The following SPOCK1 variants were observed in gnomAD, a reference collection of about 807,000 sequenced individuals.
SPOCK1 encodes the protein testican-1.
A neutral mutation model predicts 55.3 loss-of-function variants in SPOCK1; 23 were observed. The observed-to-expected ratio is 0.42, with a 90% CI of 0.30 to 0.59. SPOCK1 has a LOEUF of 0.59. SPOCK1 is among the 20% of genes least tolerant of loss of function. The pLI is 0.22. For missense variants in SPOCK1, 499 were observed against 552.5 expected, an observed-to-expected ratio of 0.90 and a Z score of 0.97; for synonymous variants, 226 against 221.0, an observed-to-expected ratio of 1.02 and a Z score of -0.20.
Position 137,282,365 on chromosome 5 carries a change from A to G in SPOCK1, c.187-15310T>C, listed in dbSNP as rs938678892. On this transcript the variant is annotated intron_variant, in intron 2 of 10. Coordinates refer to ENST00000394945, the MANE Select transcript of SPOCK1 (RefSeq NM_004598.4). ...AATAAAATGCCACTTAAGTAATCAC[A>G]TTACTCACAGCTTAAGGTATGCAGC... is the stretch of plus-strand genomic sequence containing the variant. 3.3e-5 allele frequency among the ~76,000 whole-genome samples: 5 copies of G among 152,240 alleles called. 1 individual carries two copies. Among genetic ancestry groups the G allele is most frequent in the Non-Finnish European group, 7.3e-5 (5 of 68,042 alleles).
chr5:137,063,232 T>C (rs1580731505), intron 6 of SPOCK1, among the ~76,000 whole-genome samples: 1 of 105,220 alleles, frequency 9.5e-6, no homozygotes, highest in Non-Finnish European at 2.0e-5. Flanking sequence ...AGAGCGAGAC[T>C]CCATCTCAAA....
rs369465464 is a variant in SPOCK1 at position 137,127,867 on chromosome 5, C to T, written c.347+12713G>A. ...TTTAGATGAGAGTTTGGACTTAAGACTTTAAAGTTGATGTTGGAATGAATT... is the reference window on the plus strand; with the variant it reads ...TTTAGATGAGAGTTTGGACTTAAGATTTTAAAGTTGATGTTGGAATGAATT... On this transcript the variant is annotated intron_variant, in intron 4 of 10. Coordinates refer to ENST00000394945, the MANE Select transcript of SPOCK1 (RefSeq NM_004598.4). 5.9e-5 allele frequency among the ~76,000 whole-genome samples: 9 copies of T among 152,284 alleles called. 2 individuals are homozygous for T. Among genetic ancestry groups the T allele is most frequent in the African/African-American group, 2.2e-4 (9 of 41,564 alleles).
intron 2 of SPOCK1, among the ~76,000 whole-genome samples, chr5:137,388,018 C>G (rs1158457322): frequency 6.6e-6 from 1 of 152,116 alleles, no homozygotes; most frequent in Non-Finnish European, 1.5e-5. Flanking sequence ...AGAATAGAAT[C>G]CAGGTTTCCC....
chr5:137,426,107 GC>G (rs1752604992), intron 2 of SPOCK1, among the ~76,000 whole-genome samples: 1 of 152,128 alleles, frequency 6.6e-6, no homozygotes, highest in African/African-American at 2.4e-5. Flanking sequence ...TTGAAGGATT[GC>G]TATAGTTTTT....
chr5:137,192,895 G>C (rs547821246), intron 3 of SPOCK1, among the ~76,000 whole-genome samples: 1 of 152,166 alleles, frequency 6.6e-6, no homozygotes, highest in Non-Finnish European at 1.5e-5. Context: ...ATACACATGG[G>C]CATGAAAAAT....
chr5:137,393,341 C>A (rs1201606425), intron 2 of SPOCK1, among the ~76,000 whole-genome samples: 1 of 152,188 alleles, frequency 6.6e-6, no homozygotes, highest in Admixed American at 6.5e-5. Flanking sequence ...TTTGCCTCAG[C>A]CATCACCATG....
chr5:137,383,099 C>T (rs907933580), intron 2 of SPOCK1, among the ~76,000 whole-genome samples: 16 of 152,126 alleles, frequency 1.1e-4, no homozygotes, highest in African/African-American at 3.9e-4. Flanking sequence ...AGGTTCAAAT[C>T]CCATCACTGT....
At chr5:137,273,213 A>G (rs760226826) in intron 2 of SPOCK1, among the ~76,000 whole-genome samples, 37 of 152,260 alleles carry the variant, frequency 2.4e-4, no homozygotes, top group Admixed American at 2.1e-3. Flanking sequence ...GATAAATTGC[A>G]TCCCTTGGAT....
chr5:137,287,169 A>C (rs1342610283), intron 2 of SPOCK1, among the ~76,000 whole-genome samples: 1 of 152,144 alleles, frequency 6.6e-6, no homozygotes, highest in African/African-American at 2.4e-5. Context: ...CATTATGGGG[A>C]CATACAAGTC....
chr5:137,470,955 G>C (rs1753727478), intron 2 of SPOCK1, among the ~76,000 whole-genome samples: 1 of 152,218 alleles, frequency 6.6e-6, no homozygotes, highest in East Asian at 1.9e-4. Flanking sequence ...GTCTTCTCAT[G>C]TGTAAATGTA....
At position 137,097,984 on chromosome 5, in the gene SPOCK1, A is replaced by G. The variant is rs10064185; in HGVS notation, c.474+14451T>C. Among the ~76,000 whole-genome samples the G allele has an allele frequency of 5.3e-3, 802 of 152,298 alleles. 8 individuals are homozygous for G. Among genetic ancestry groups the G allele is most frequent in the African/African-American group, 0.018 (750 of 41,548 alleles). ...CTGAAGCAAATGGAAGGTGTAATGT[A>G]AAAGCTGGGCCAATGGAGCTAGGGG... On this transcript the variant is annotated intron_variant, in intron 5 of 10. Coordinates refer to ENST00000394945, the MANE Select transcript of SPOCK1 (RefSeq NM_004598.4).
chr5:137,340,110 A>G (rs563046199), intron 2 of SPOCK1, among the ~76,000 whole-genome samples: 1 of 152,282 alleles, frequency 6.6e-6, no homozygotes, highest in African/African-American at 2.4e-5. Flanking sequence ...ACACTTGATT[A>G]AAACACACAC....
In SPOCK1 at chr5:137,284,701, A is replaced by G. The variant is rs922886523; in HGVS notation, c.187-17646T>C. On this transcript the variant is annotated intron_variant, in intron 2 of 10. Transcript: ENST00000394945. ...CTGTCTGTTGTGGAGTGTGTGAGGT[A>G]AGACCCATCCTTAGTCTCCCACACA... 4.1e-4 allele frequency among the ~76,000 whole-genome samples: 62 copies of G among 152,168 alleles called. 1 individual carries two copies. Among genetic ancestry groups the G allele is most frequent in the Non-Finnish European group, 1.2e-4 (8 of 68,026 alleles).
In SPOCK1 at chr5:136,978,716, C is replaced by T. The variant is rs569345414; in HGVS notation, c.1258G>A (p.Val420Met). The T allele has an allele frequency of 2.4e-5, 39 of 1,614,030 alleles. No homozygotes were observed. The highest frequency in any genetic ancestry group is 1.7e-4 in the Middle Eastern group (1 of 6,060). The change falls in exon 11 of 11, where the codon GTG (valine) becomes ATG (methionine). Residue 420 changes from valine to methionine, a missense_variant. Transcript: ENST00000394945. ...EGKLRVHTRAVTEDDEDEDDD... is the reference protein window; with the variant it reads ...EGKLRVHTRAMTEDDEDEDDD... ...TCCTCATCCTCATCATCCTCTGTCA[C>T]GGCTCGGGTGTGCACCCTCAGCTTC...
intron 5 of SPOCK1, among the ~76,000 whole-genome samples, chr5:137,099,415 T>C (rs528428508): frequency 9.8e-5 from 15 of 152,294 alleles, no homozygotes; most frequent in Admixed American, 7.2e-4. Context: ...ATATATGTCT[T>C]TAAATATTTT....
chr5:137,376,947 G>C (rs368115447), intron 2 of SPOCK1, among the ~76,000 whole-genome samples: 20 of 152,302 alleles, frequency 1.3e-4, no homozygotes, highest in African/African-American at 4.6e-4. Flanking sequence ...CTGTTCGTCT[G>C]TTTTTGCTGC....
At chr5:137,008,865 G>A (rs1751299842) in intron 6 of SPOCK1, among the ~76,000 whole-genome samples, 1 of 152,090 alleles carries the variant, frequency 6.6e-6, no homozygotes, top group African/African-American at 2.4e-5. Flanking sequence ...AGAAATGAAG[G>A]GGAGGCTAAA....
intron 2 of SPOCK1, among the ~76,000 whole-genome samples, chr5:137,486,611 T>C (rs1754060923): frequency 6.6e-6 from 1 of 152,166 alleles, no homozygotes; most frequent in Non-Finnish European, 1.5e-5. Flanking sequence ...CAAAACCTAC[T>C]GAATCAGTGC....
intron 3 of SPOCK1, among the ~76,000 whole-genome samples, chr5:137,249,208 T>C (rs1182224841): frequency 6.6e-6 from 1 of 152,230 alleles, no homozygotes; most frequent in Admixed American, 6.5e-5. Flanking sequence ...ACATTAATTA[T>C]CAAAAATGCA....
Sources: allele counts gnomAD v4.1 joint callset (sites outside exome capture counted in the v4.1 genomes callset), GRCh38; gene constraint gnomAD v4.1.1; transcripts MANE v1.5; gene names NCBI Gene and HGNC (gene_info 2026-07-23, HGNC 2026-07-21).